TRMT1L: variants seen among roughly 807,000 people sequenced by gnomAD.
TRMT1L encodes the protein tRNA methyltransferase 1L.
Under a neutral mutation model 81.6 loss-of-function variants are expected in TRMT1L, and 28 were observed. That is an observed-to-expected ratio of 0.34 (90% confidence interval 0.25 to 0.47). TRMT1L has a LOEUF of 0.47. Among genes scored for constraint, TRMT1L ranks in the 20% least tolerant of loss-of-function variants. The probability of loss-of-function intolerance (pLI) is 1.00; values close to 1 mark genes in which losing one functional copy is unlikely to be tolerated. For synonymous variants in TRMT1L, 301 were observed against 303.2 expected (o/e 0.99, Z 0.07); for missense variants, 739 against 877.1 (o/e 0.84, Z 1.99).
chr1:185,140,025 C>T lies in TRMT1L; in HGVS notation c.1057G>A (p.Val353Met), dbSNP rs1214873274. The T allele has an allele frequency of 6.2e-7, 1 of 1,613,720 alleles. No individual in the cohort carries two copies. Among genetic ancestry groups the T allele is most frequent in the South Asian group, 1.1e-5 (1 of 91,072 alleles). ...EGEKNLGNIK[V>M]TKMDANVLMH... ...AGTACATTGGCATCCATTTTGGTCA[C>T]CTTAATATTACCAAGATTTTTCTCT... is the stretch of plus-strand genomic sequence containing the variant. The change falls in exon 8 of 15, where the codon GTG becomes ATG. Residue 353 changes from valine (V) to methionine (M), a missense_variant. This residue lies in a region of TRMT1L where 331 missense variants were observed against 462.2 expected (regional missense o/e 0.72). Transcript: ENST00000367506.
intron 10 of TRMT1L, among the ~76,000 whole-genome samples, chr1:185,132,863 T>A (rs963262172): frequency 6.6e-6 from 1 of 152,048 alleles, no homozygotes; most frequent in Non-Finnish European, 1.5e-5. Flanking sequence ...AATGAAGAAG[T>A]AAACAAGGAA....
intron 13 of TRMT1L, among the ~76,000 whole-genome samples, chr1:185,121,166 A>G (rs1238333792): frequency 6.6e-6 from 1 of 152,212 alleles, no homozygotes; most frequent in Non-Finnish European, 1.5e-5. Context: ...CAAAAATCAC[A>G]ACATGAAAAC....
chr1:185,141,197 G>A (rs1024023178), intron 7 of TRMT1L, among the ~76,000 whole-genome samples: 6 of 152,066 alleles, frequency 3.9e-5, no homozygotes, highest in African/African-American at 1.4e-4. Context: ...CGTGTCTCAT[G>A]AATGGAAAAA....
chr1:185,149,707 T>C (rs1653289200), intron 3 of TRMT1L, among the ~76,000 whole-genome samples: 1 of 151,896 alleles, frequency 6.6e-6, no homozygotes, highest in African/African-American at 2.4e-5. Context: ...GGGAAAATTA[T>C]AGCATTTTCC....
intron 11 of TRMT1L, among the ~76,000 whole-genome samples, chr1:185,127,962 A>G (rs1652674040): frequency 6.6e-6 from 1 of 151,678 alleles, no homozygotes; most frequent in Non-Finnish European, 1.5e-5. Flanking sequence ...GAAAGTACAA[A>G]AATCAGCCAG....
intron 1 of TRMT1L, among the ~76,000 whole-genome samples, chr1:185,153,949 G>C (rs377577254): frequency 3.2e-4 from 49 of 152,250 alleles, no homozygotes; most frequent in African/African-American, 1.1e-3. Flanking sequence ...TGTATAATTT[G>C]TGTCCTTGTT....
intron 10 of TRMT1L, among the ~76,000 whole-genome samples, chr1:185,133,509 A>G (rs970791095): frequency 1.3e-5 from 2 of 152,158 alleles, no homozygotes; most frequent in East Asian, 3.8e-4. Context: ...ATATGGCAAA[A>G]GTAATGGAGT....
rs1652428422 is a variant in TRMT1L at position 185,118,997 on chromosome 1, T to C, written c.*1022A>G. 6.6e-6 allele frequency: 1 copy of C among 151,978 alleles called. No homozygotes were observed. Among genetic ancestry groups the C allele is most frequent in the Non-Finnish European group, 1.5e-5 (1 of 67,978 alleles). 9.4% of individuals were successfully genotyped at this position (151,978 alleles called of 1,614,324 possible). A position where few individuals can be genotyped will look rare whatever the true frequency, so the allele number is the denominator to read the frequency against. ...CCAAACTTTATACCAAATCCTTTCA[T>C]CCAAAATCTTATATTCAAATGAAGT... On this transcript the variant is annotated 3_prime_UTR_variant, in exon 15 of 15. Coordinates refer to ENST00000367506, the MANE Select transcript of TRMT1L (RefSeq NM_030934.5).
intron 4 of TRMT1L, 46 bp from the exon 5 acceptor site, chr1:185,145,614 A>T (rs1286786593): frequency 3.1e-6 from 5 of 1,587,686 alleles, no homozygotes; most frequent in Non-Finnish European, 4.3e-6. Context: ...AAGACAATGA[A>T]ACAGAAGTAT....
chr1:185,142,443 C>T (rs192205689), intron 7 of TRMT1L, among the ~76,000 whole-genome samples: 177 of 152,134 alleles, frequency 1.2e-3, no homozygotes, highest in African/African-American at 4.0e-3. Context: ...AAAGAAGGAC[C>T]TGGATTGGGT....
At chr1:185,139,667 T>C (rs1652986563) in intron 8 of TRMT1L, 88 bp from the exon 9 acceptor site, 31 of 968,764 alleles carry the variant, frequency 3.2e-5, no homozygotes, top group Non-Finnish European at 4.5e-5. Context: ...TAAAATTCCA[T>C]GGATTTAAAA....
At chr1:185,145,621 G>A (rs1203240953) in intron 4 of TRMT1L, 53 bp from the exon 5 acceptor site, 1 of 1,556,660 alleles carries the variant, frequency 6.4e-7, no homozygotes, top group African/African-American at 1.4e-5. Context: ...TGAAACAGAA[G>A]TATATGTTTG....
At chr1:185,149,146 A>T (rs1263152185) in intron 3 of TRMT1L, among the ~76,000 whole-genome samples, 1 of 152,112 alleles carries the variant, frequency 6.6e-6, no homozygotes, top group East Asian at 1.9e-4. Flanking sequence ...TATATATCTA[A>T]TATACTCATT....
chr1:185,118,457 A>G lies in TRMT1L; in HGVS notation c.*1562T>C, dbSNP rs543464557. The G allele has an allele frequency of 6.6e-6, 1 of 152,292 alleles. No individual in the cohort carries two copies. The highest frequency in any genetic ancestry group is 2.4e-5 in the African/African-American group (1 of 41,568). 9.4% of individuals were successfully genotyped at this position (152,292 alleles called of 1,614,324 possible). On this transcript the variant is annotated 3_prime_UTR_variant, in exon 15 of 15. Coordinates refer to ENST00000367506, the MANE Select transcript of TRMT1L (RefSeq NM_030934.5). ...TGATAAGCATTTAGCAAAATTTGAG[A>G]CTGATATTCAATAATATGTATTAAA...
chr1:185,157,028 G>A (rs1653634721), upstream of TRMT1L: 1 of 349,790 alleles, frequency 2.9e-6, no homozygotes, highest in South Asian at 3.7e-5. Flanking sequence ...TTTCTACGGT[G>A]CGTCTCCGGC....
In TRMT1L at chr1:185,150,427, G is replaced by A. The variant is rs368376702; in HGVS notation, c.412C>T (p.Arg138Cys). Residue 138 changes from arginine (R) to cysteine (C), a missense_variant, in exon 3 of 15, where the codon CGT (arginine) becomes TGT (cysteine). Around this residue, in one of 4 missense-constraint regions of TRMT1L, gnomAD observed 331 missense variants for 462.2 expected, o/e 0.72. Coordinates refer to ENST00000367506, the MANE Select transcript of TRMT1L (RefSeq NM_030934.5). ...CAGTGTAAATTCTGGAGGTGACGAC[G>A]AAGCTTATGGCTATTACAAGCTCTG... ...KFRACNSHKLRRHLQNLHWKV... is the reference protein window; with the variant it reads ...KFRACNSHKLCRHLQNLHWKV... The A allele has an allele frequency of 9.9e-6, 16 of 1,613,594 alleles. No individual in the cohort carries two copies. Among genetic ancestry groups the A allele is most frequent in the East Asian group, 2.2e-5 (1 of 44,876 alleles).
intron 10 of TRMT1L, 90 bp downstream of exon 10, chr1:185,137,516 C>G: frequency 5.3e-6 from 7 of 1,318,850 alleles, no homozygotes; most frequent in Non-Finnish European, 7.6e-6. Flanking sequence ...TCTTTAAAAT[C>G]AAAGGACAAC....
chr1:185,146,406 GTGC>G (rs1653189794), intron 4 of TRMT1L, among the ~76,000 whole-genome samples: 1 of 151,948 alleles, frequency 6.6e-6, no homozygotes, highest in Non-Finnish European at 1.5e-5. Flanking sequence ...TTTACTCTTA[GTGC>G]TGCTACCTCC....
intron 10 of TRMT1L, among the ~76,000 whole-genome samples, chr1:185,132,006 T>C (rs992208473): frequency 6.6e-6 from 1 of 151,268 alleles, no homozygotes; most frequent in African/African-American, 2.4e-5. Flanking sequence ...CTGAGAGTGG[T>C]GGCACAGGCC....
Sources: gnomAD v4.1 joint callset for allele counts (sites outside exome capture counted in the v4.1 genomes callset) on GRCh38, gnomAD v4.1.1 for gene constraint, gnomAD v4.1.1 regional missense constraint, MANE v1.5 for transcripts, NCBI Gene and HGNC (gene_info 2026-07-23, HGNC 2026-07-21) for gene names.